Variants in GMDS observed in about 807,000 individuals in gnomAD.
GMDS encodes GDP-mannose 4,6-dehydratase, also known as GDP-mannose 4,6 dehydratase.
Under a neutral mutation model 49.9 loss-of-function variants are expected in GMDS, and 20 were observed. The observed-to-expected ratio is 0.40, with a 90% CI of 0.28 to 0.58. The LOEUF is 0.58. Among genes scored for constraint, GMDS ranks in the 20% least tolerant of loss-of-function variants. The probability of loss-of-function intolerance (pLI) is 0.42; values close to 1 mark genes in which losing one functional copy is unlikely to be tolerated. For missense variants in GMDS, 362 were observed against 481.4 expected (o/e 0.75, Z 2.32); for synonymous variants, 177 against 178.6 (o/e 0.99, Z 0.07).
intron 1 of GMDS, among the ~76,000 whole-genome samples, chr6:2,220,823 C>T (rs1780551489): frequency 6.6e-6 from 1 of 151,852 alleles, no homozygotes; most frequent in African/African-American, 2.4e-5. Flanking sequence ...ATAAGGGATA[C>T]TCAACCTGTA....
At chr6:1,894,441 C>G (rs926649559) in intron 7 of GMDS, among the ~76,000 whole-genome samples, 1 of 151,998 alleles carries the variant, frequency 6.6e-6, no homozygotes, top group Non-Finnish European at 1.5e-5. Context: ...AAGTAACCAC[C>G]TAATTTTAAT....
At chr6:2,109,668 G>A (rs1183891554) in intron 4 of GMDS, among the ~76,000 whole-genome samples, 1 of 152,152 alleles carries the variant, frequency 6.6e-6, no homozygotes, top group Non-Finnish European at 1.5e-5. Flanking sequence ...CCCCTGATTT[G>A]ATAACCTTGC....
intron 4 of GMDS, among the ~76,000 whole-genome samples, chr6:2,059,789 C>T (rs550838128): frequency 9.2e-5 from 13 of 141,874 alleles, no homozygotes; most frequent in African/African-American, 2.8e-4. Context: ...ACTTTTTAAA[C>T]TTACCAACCC....
intron 9 of GMDS, among the ~76,000 whole-genome samples, chr6:1,719,816 T>C (rs577109589): frequency 3.3e-5 from 5 of 152,310 alleles, no homozygotes; most frequent in African/African-American, 1.2e-4. Context: ...GTTCCTCCTA[T>C]GGAAAGTTGA....
intron 7 of GMDS, among the ~76,000 whole-genome samples, chr6:1,835,359 C>G (rs1209012041): frequency 1.3e-5 from 2 of 152,162 alleles, no homozygotes; most frequent in Admixed American, 1.3e-4. Context: ...GGCGGCTTTG[C>G]TCTCCTTTCC....
intron 9 of GMDS, among the ~76,000 whole-genome samples, chr6:1,667,387 C>T (rs1764268115): frequency 6.6e-6 from 1 of 152,154 alleles, no homozygotes; most frequent in Non-Finnish European, 1.5e-5. Flanking sequence ...GTTGATGAGA[C>T]CAGCTAAGCA....
intron 7 of GMDS, among the ~76,000 whole-genome samples, chr6:1,912,380 A>C (rs981317829): frequency 6.6e-6 from 1 of 152,220 alleles, no homozygotes; most frequent in East Asian, 1.9e-4. Context: ...AAATTTTTTA[A>C]AAAGTGATCT....
intron 4 of GMDS, among the ~76,000 whole-genome samples, chr6:2,054,180 A>G (rs1770649574): frequency 6.6e-6 from 1 of 152,158 alleles, no homozygotes; most frequent in South Asian, 2.1e-4. Flanking sequence ...ACCTTTATAG[A>G]TGTCTTCTTC....
intron 1 of GMDS, among the ~76,000 whole-genome samples, chr6:2,227,629 G>T (rs1780875141): frequency 6.6e-6 from 1 of 152,228 alleles, no homozygotes; most frequent in Non-Finnish European, 1.5e-5. Flanking sequence ...AGATTGCACT[G>T]GATGCAGGGA....
At chr6:1,768,978 A>C (rs1286343566) in intron 7 of GMDS, among the ~76,000 whole-genome samples, 1 of 152,250 alleles carries the variant, frequency 6.6e-6, no homozygotes, top group Non-Finnish European at 1.5e-5. Context: ...TAAAAGATAC[A>C]GAATAATATG....
chr6:1,998,434 G>C (rs527696512), intron 4 of GMDS, among the ~76,000 whole-genome samples: 25 of 152,166 alleles, frequency 1.6e-4, no homozygotes, highest in Admixed American at 7.2e-4. Context: ...GAAAGGGACA[G>C]GGAAGGCAAT....
intron 7 of GMDS, among the ~76,000 whole-genome samples, chr6:1,818,004 A>G (rs1770739278): frequency 6.6e-6 from 1 of 152,250 alleles, no homozygotes; most frequent in African/African-American, 2.4e-5. Context: ...TTTCTGAAAT[A>G]CAGAGCTTGC....
In GMDS at chr6:1,979,662, T is replaced by C. The variant is rs116211756; in HGVS notation, c.346-18696A>G. Among the ~76,000 whole-genome samples, 830 of 152,298 alleles carry C rather than the reference T, an allele frequency of 5.4e-3. 6 individuals are homozygous for C. Among genetic ancestry groups the C allele is most frequent in the Non-Finnish European group, 8.4e-3 (574 of 68,040 alleles). On this transcript the variant is annotated intron_variant, in intron 4 of 10. Coordinates refer to ENST00000380815, the MANE Select transcript of GMDS (RefSeq NM_001500.4). Reference sequence around the variant, plus strand: ...GGAGAACTTCCTCAGCCTAGCAAGATAGGCCAACATTCAAATTCAGGAAAT... The same window carrying C: ...GGAGAACTTCCTCAGCCTAGCAAGACAGGCCAACATTCAAATTCAGGAAAT...
At chr6:1,861,018 G>A (rs775576808) in intron 7 of GMDS, among the ~76,000 whole-genome samples, 7 of 152,162 alleles carry the variant, frequency 4.6e-5, no homozygotes, top group Non-Finnish European at 1.0e-4. Flanking sequence ...GAAATATCAC[G>A]CTTCTCCATT....
chr6:1,638,511 AC>A (rs900967170), intron 9 of GMDS, among the ~76,000 whole-genome samples: 5 of 65,076 alleles, frequency 7.7e-5, no homozygotes, highest in Non-Finnish European at 1.3e-4. Flanking sequence ...TCTATGCCCC[AC>A]CCCCCCAACC....
chr6:2,239,431 A>C (rs556822219), intron 1 of GMDS, among the ~76,000 whole-genome samples: 2 of 151,884 alleles, frequency 1.3e-5, no homozygotes, highest in East Asian at 1.9e-4. Context: ...TTGTACACAT[A>C]ATAAGTCAGC....
At chr6:2,054,203 T>G (rs922639357) in intron 4 of GMDS, among the ~76,000 whole-genome samples, 7 of 152,148 alleles carry the variant, frequency 4.6e-5, no homozygotes, top group Admixed American at 1.3e-4. Context: ...AAGAAACATC[T>G]GCGGGTATTA....
chr6:1,932,023 A>G (rs1762309703), intron 6 of GMDS, among the ~76,000 whole-genome samples: 1 of 152,172 alleles, frequency 6.6e-6, no homozygotes, highest in Admixed American at 6.5e-5. Context: ...CAAGGGGGGA[A>G]AGCCTTTGGG....
chr6:1,689,809 A>T lies in GMDS; in HGVS notation c.987+36607T>A, dbSNP rs543827884. ...TCTGAAAAATTGTAATAAAGTGAAGACGCGTGATTTCCTTAGGTCAAGAGG... is the reference window on the plus strand; with the variant it reads ...TCTGAAAAATTGTAATAAAGTGAAGTCGCGTGATTTCCTTAGGTCAAGAGG... On this transcript the variant is annotated intron_variant, in intron 9 of 10. Transcript: ENST00000380815. Among the ~76,000 whole-genome samples, 9 of 152,312 alleles carry T rather than the reference A, an allele frequency of 5.9e-5. No individual in the cohort carries two copies. In the South Asian group the frequency reaches 1.9e-3, roughly 32 times the overall value.
Sources: gnomAD v4.1 joint callset for allele counts (sites outside exome capture counted in the v4.1 genomes callset) on GRCh38, gnomAD v4.1.1 for gene constraint, MANE v1.5 for transcripts, NCBI Gene and HGNC (gene_info 2026-07-23, HGNC 2026-07-21) for gene names.